The following ANKRD44 variants were observed in gnomAD, a reference collection of about 807,000 sequenced individuals.
The protein encoded by ANKRD44 is serine/threonine-protein phosphatase 6 regulatory ankyrin repeat subunit B.
In ANKRD44, 35 loss-of-function variants were observed where a neutral mutation model predicts 116.0. That is an observed-to-expected ratio of 0.30 (90% CI 0.23 to 0.40). The LOEUF is 0.40. Among genes scored for constraint, ANKRD44 ranks in the 10% least tolerant of loss-of-function variants. The pLI, the probability that ANKRD44 is intolerant of heterozygous loss-of-function variation, is 1.00. For missense variants in ANKRD44, 1,014 were observed against 1,242.6 expected (o/e 0.82, Z 2.77); for synonymous variants, 435 against 461.8 (o/e 0.94, Z 0.74).
At chr2:197,083,713 G>T (rs996831436) in intron 13 of ANKRD44, among the ~76,000 whole-genome samples, 4 of 152,172 alleles carry the variant, frequency 2.6e-5, no homozygotes, top group Non-Finnish European at 5.9e-5. Flanking sequence ...GTTCTGGATG[G>T]TTGAGCATCT....
intron 1 of ANKRD44, among the ~76,000 whole-genome samples, chr2:197,258,270 C>T (rs1489209903): frequency 1.3e-5 from 1 of 79,224 alleles, no homozygotes; most frequent in Non-Finnish European, 2.2e-5. Context: ...TTGGCTAATC[C>T]TTTTTTTTTT....
In ANKRD44 at chr2:197,274,002, T is replaced by A. The variant is rs866452813; in HGVS notation, c.27+36576A>T. Among the ~76,000 whole-genome samples, 450 of 64,824 alleles carry A rather than the reference T, an allele frequency of 6.9e-3. 39 individuals are homozygous for A. Among genetic ancestry groups the A allele is most frequent in the South Asian group, 0.016 (25 of 1,556 alleles). The allele number at this position is 64,824 out of a possible 152,430, so 42.5% of individuals were successfully genotyped here. A position where few individuals can be genotyped will look rare whatever the true frequency, so the allele number is the denominator to read the frequency against. On this transcript the variant is annotated intron_variant, in intron 1 of 27. Coordinates refer to ENST00000282272, the MANE Select transcript of ANKRD44 (RefSeq NM_001195144.2). Reference sequence around the variant, plus strand: ...AAAAATATATATATATATATATATATATATATATATATATATATATATATA... The same window carrying A: ...AAAAATATATATATATATATATATAAATATATATATATATATATATATATA...
In ANKRD44 at chr2:196,989,822, T is replaced by C. The variant is rs932853942; in HGVS notation, c.2924-173A>G. 3.6e-6 allele frequency: 5 copies of C among 1,384,918 alleles called. No individual in the cohort carries two copies. The African/African-American group carries it at 7.3e-5, about 20-fold the overall frequency. The allele number at this position is 1,384,918 out of a possible 1,614,324, so 85.8% of individuals were successfully genotyped here. On this transcript the variant is annotated intron_variant, in intron 27 of 27. Coordinates refer to ENST00000282272, the MANE Select transcript of ANKRD44 (RefSeq NM_001195144.2). ...GGTATGACCTTGACTGAGAAGCTCA[T>C]TTTACTACTGATGAACAATGCTGAT...
At chr2:197,000,348 G>C in intron 23 of ANKRD44, 71 bp downstream of exon 23, 1 of 1,152,176 alleles carries the variant, frequency 8.7e-7, no homozygotes, top group Non-Finnish European at 1.3e-6. Context: ...ATAGATGTTT[G>C]GCTACTCTGC....
intron 2 of ANKRD44, among the ~76,000 whole-genome samples, chr2:197,158,987 A>G (rs2079890305): frequency 6.7e-6 from 1 of 150,236 alleles, no homozygotes; most frequent in African/African-American, 2.5e-5. Flanking sequence ...GCAAACAAAC[A>G]CACACACACA....
intron 16 of ANKRD44, among the ~76,000 whole-genome samples, chr2:197,050,546 C>T (rs2077087843): frequency 6.6e-6 from 1 of 151,956 alleles, no homozygotes; most frequent in Non-Finnish European, 1.5e-5. Flanking sequence ...CCTCAGCCTC[C>T]TGAGTAGCCA....
At position 197,203,855 on chromosome 2, in the gene ANKRD44, G is replaced by T. The variant is rs1451775556; in HGVS notation, c.28-16749C>A. Among the ~76,000 whole-genome samples, 1 of 152,166 alleles carries T rather than the reference G, an allele frequency of 6.6e-6. No homozygotes were observed. Among genetic ancestry groups the T allele is most frequent in the Non-Finnish European group, 1.5e-5 (1 of 68,036 alleles). On this transcript the variant is annotated intron_variant, in intron 1 of 27. Coordinates refer to ENST00000282272, the MANE Select transcript of ANKRD44 (RefSeq NM_001195144.2). The surrounding 1 kb of genome is among the most constrained non-coding windows in gnomAD (Gnocchi z 4.1). ...CTTGGAAACATTATGCTAAGTGCAA[G>T]AAGCCAGACACAAAAGGCCACAGGC... is the stretch of plus-strand genomic sequence containing the variant.
chr2:197,289,991 G>C (rs1302210856), intron 1 of ANKRD44, among the ~76,000 whole-genome samples: 1 of 151,642 alleles, frequency 6.6e-6, no homozygotes, highest in Non-Finnish European at 1.5e-5. Flanking sequence ...CTCCCAAGTA[G>C]CTGAGATTAC....
intron 3 of ANKRD44, among the ~76,000 whole-genome samples, chr2:197,137,298 G>C (rs970228797): frequency 6.6e-6 from 1 of 152,232 alleles, no homozygotes; most frequent in African/African-American, 2.4e-5. Flanking sequence ...GAAGCAGCAA[G>C]AGAAGTCAAT....
intron 2 of ANKRD44, among the ~76,000 whole-genome samples, chr2:197,183,238 G>A (rs933451365): frequency 1.6e-4 from 24 of 152,228 alleles, no homozygotes; most frequent in Middle Eastern, 6.8e-3. Context: ...ATCAAAAAGC[G>A]TGGAGAGGTG....
chr2:197,262,698 G>A (rs1032855599), intron 1 of ANKRD44, among the ~76,000 whole-genome samples: 2 of 152,136 alleles, frequency 1.3e-5, no homozygotes, highest in Non-Finnish European at 2.9e-5. Context: ...GAGGCCAGGA[G>A]TTCAAGACTA....
At chr2:196,974,900 AG>A (rs2075746176) in intron 21 of ANKRD44, among the ~76,000 whole-genome samples, 1 of 152,010 alleles carries the variant, frequency 6.6e-6, no homozygotes, top group Non-Finnish European at 1.5e-5. Context: ...AAAAAAAAAA[AG>A]AAAAAGAAAA....
At chr2:197,178,253 T>A (rs2080415102) in intron 2 of ANKRD44, among the ~76,000 whole-genome samples, 1 of 152,108 alleles carries the variant, frequency 6.6e-6, no homozygotes, top group Admixed American at 6.6e-5. Flanking sequence ...GGAGGATAAC[T>A]TGAGGCCAGA....
At chr2:196,991,268 C>T (rs2075910376) in intron 27 of ANKRD44, among the ~76,000 whole-genome samples, 2 of 152,042 alleles carry the variant, frequency 1.3e-5, no homozygotes, top group Non-Finnish European at 2.9e-5. Flanking sequence ...CAATAAACAG[C>T]AACAGGACAA....
chr2:197,083,276 T>C (rs1360479400), intron 14 of ANKRD44, 93 bp downstream of exon 14: 1 of 1,469,374 alleles, frequency 6.8e-7, no homozygotes, highest in Admixed American at 2.3e-5. Context: ...TCTAACTCTT[T>C]TTCCATGAGG....
At chr2:197,252,182 T>G (rs2082331349) in intron 1 of ANKRD44, among the ~76,000 whole-genome samples, 1 of 152,084 alleles carries the variant, frequency 6.6e-6, no homozygotes. Context: ...CTATTTAATC[T>G]TTCAGCAAAA....
chr2:197,024,231 T>C (rs778395913), intron 17 of ANKRD44, among the ~76,000 whole-genome samples: 11 of 152,204 alleles, frequency 7.2e-5, no homozygotes, highest in Non-Finnish European at 1.2e-4. Context: ...TATGTACACA[T>C]AGTATTAAGT....
intron 1 of ANKRD44, among the ~76,000 whole-genome samples, chr2:197,229,679 C>T (rs958478222): frequency 2.6e-5 from 4 of 152,184 alleles, no homozygotes; most frequent in Non-Finnish European, 5.9e-5. Context: ...TTGGTTTTCA[C>T]AACTGCTCTA....
At chr2:197,148,059 G>A (rs2079550194) in intron 2 of ANKRD44, among the ~76,000 whole-genome samples, 1 of 152,148 alleles carries the variant, frequency 6.6e-6, no homozygotes, top group South Asian at 2.1e-4. Context: ...AGGGAAAAAA[G>A]CGTTGCTTCC....
Sources: allele counts gnomAD v4.1 joint callset (sites outside exome capture counted in the v4.1 genomes callset), GRCh38; gene constraint gnomAD v4.1.1; non-coding constraint Gnocchi (gnomAD v3.1); transcripts MANE v1.5; gene names NCBI Gene and HGNC (gene_info 2026-07-23, HGNC 2026-07-21).